The following SETDB2 variants were observed in gnomAD, a reference collection of about 807,000 sequenced individuals.
The protein encoded by SETDB2 is SET domain bifurcated histone lysine methyltransferase 2.
SETDB2 carries 56 observed loss-of-function variants against 82.5 expected under a neutral mutation model. That is an observed-to-expected ratio of 0.68 (90% CI 0.55 to 0.85). SETDB2 has a LOEUF of 0.85. Among genes scored for constraint, SETDB2 ranks in the 40% least tolerant of loss-of-function variants. SETDB2 has a pLI of 0.00. For synonymous variants in SETDB2, 272 were observed against 284.9 expected, an observed-to-expected ratio of 0.95 and a Z score of 0.46; for missense variants, 677 against 816.4, an observed-to-expected ratio of 0.83 and a Z score of 2.08.
intron 1 of SETDB2, among the ~76,000 whole-genome samples, chr13:49,446,817 A>G (rs1268705357): frequency 6.6e-6 from 1 of 152,222 alleles, no homozygotes; most frequent in Non-Finnish European, 1.5e-5. Context: ...TTCACCATAC[A>G]ACAATGCTGC....
Position 49,451,548 on chromosome 13 carries a change from T to TAC in SETDB2, c.-341-3_-341-2dup, listed in dbSNP as rs1957787370. On this transcript the variant is annotated splice_region_variant and splice_polypyrimidine_tract_variant and intron_variant, in intron 1 of 13. Transcript: ENST00000611815. ...ATGCACTATTCTTTATTGTTTTCCT[T>TAC]ACAGAATGTTTCATCCATTTGTGGA... 6.5e-6 allele frequency: 1 copy of TAC among 153,482 alleles called. No homozygotes were observed. Among genetic ancestry groups the TAC allele is most frequent in the Non-Finnish European group, 1.4e-5 (1 of 69,916 alleles). The allele number at this position is 153,482 out of a possible 1,614,324, so 9.5% of individuals were successfully genotyped here. A position where few individuals can be genotyped will look rare whatever the true frequency, so the allele number is the denominator to read the frequency against.
Position 49,476,729 on chromosome 13 carries a change from C to T in SETDB2, c.559C>T (p.Leu187=). The change falls in exon 6 of 14, where the codon CTA becomes TTA. Residue 187 remains leucine (L), a synonymous_variant. Transcript: ENST00000611815. ...VSYKTPCGRS[L]RNVEEVFRYL... The stretch of plus-strand genomic sequence containing the variant: ...TTATAAAACCCCTTGTGGAAGGAGT[C>T]TACGAAACGTGGAGGAAGTTTTTCG... The T allele has an allele frequency of 1.2e-6, 2 of 1,614,154 alleles. No individual in the cohort carries two copies. The highest frequency in any genetic ancestry group is 2.2e-5 in the South Asian group (2 of 91,080).
rs565914239 is a variant in SETDB2, at chr13:49,453,517, C to T, written c.16+1608C>T. On this transcript the variant is annotated intron_variant, in intron 2 of 13. Transcript: ENST00000611815. ...TTCACCATATTGGCCAGGCTGGTCT[C>T]GAACTCCTGACCTCAAGTGATCCAC... is the stretch of plus-strand genomic sequence containing the variant. 3.9e-5 allele frequency among the ~76,000 whole-genome samples: 6 copies of T among 152,088 alleles called. No homozygotes were observed. In the South Asian group the frequency reaches 8.3e-4, roughly 21 times the overall value.
At chr13:49,459,089 A>C (rs1022427393) in intron 2 of SETDB2, among the ~76,000 whole-genome samples, 1 of 152,236 alleles carries the variant, frequency 6.6e-6, no homozygotes, top group African/African-American at 2.4e-5. Context: ...AGTCTTACAT[A>C]GTATACATCA....
At chr13:49,445,563 GGAAACATGTTTTAC>G (rs1485239857) in intron 1 of SETDB2, 22 of 152,262 alleles carry the variant, frequency 1.4e-4, no homozygotes, top group African/African-American at 5.3e-4. Flanking sequence ...ATTTTCTCCA[GGAAACATGTTTTAC>G]TTGTGCACGT....
intron 5 of SETDB2, among the ~76,000 whole-genome samples, chr13:49,471,205 A>G (rs1236476050): frequency 3.3e-5 from 5 of 151,030 alleles, no homozygotes; most frequent in Admixed American, 6.6e-5. Flanking sequence ...GTGAACTCCT[A>G]GTCTCAAGCA....
At chr13:49,477,394 C>G (rs543249785) in intron 6 of SETDB2, among the ~76,000 whole-genome samples, 1 of 152,204 alleles carries the variant, frequency 6.6e-6, no homozygotes, top group Non-Finnish European at 1.5e-5. Context: ...TGTGATCACA[C>G]ACTGTACCAG....
At position 49,490,870 on chromosome 13, in the gene SETDB2, C is replaced by G. The variant is rs1396170880; in HGVS notation, c.1966C>G (p.His656Asp). ...LLVQNVFVET[H>D]NRNFPLVAFF... ...GGTACAGAATGTTTTTGTAGAAACA[C>G]ACAACAGGAATTTTCCATTGGTGGC... is the stretch of plus-strand genomic sequence containing the variant. The change falls in exon 13 of 14, where the codon CAC becomes GAC. Residue 656 changes from histidine to aspartate, a missense_variant. Coordinates refer to ENST00000611815, the MANE Select transcript of SETDB2 (RefSeq NM_001160308.3). 1.2e-6 allele frequency: 2 copies of G among 1,613,466 alleles called. No homozygotes were observed. Among genetic ancestry groups the G allele is most frequent in the Non-Finnish European group, 1.7e-6 (2 of 1,179,612 alleles).
chr13:49,460,098 T>G lies in SETDB2; in HGVS notation c.17-9T>G. On this transcript the variant is annotated splice_polypyrimidine_tract_variant and intron_variant, in intron 2 of 13. Transcript: ENST00000611815. ...TAGCTCTTAGGCTAGTCACTTATTT[T>G]TATTTTAGGCGATGCAAAAACTTTC... The G allele has an allele frequency of 6.2e-7, 1 of 1,607,506 alleles. No individual in the cohort carries two copies. The highest frequency in any genetic ancestry group is 1.3e-5 in the African/African-American group (1 of 74,562).
intron 7 of SETDB2, 62 bp downstream of exon 7, chr13:49,480,397 T>C (rs1488818528): frequency 2.0e-6 from 2 of 993,338 alleles, no homozygotes; most frequent in East Asian, 5.1e-5. Context: ...TACTTTTTAT[T>C]GTGGTCCAAA....
At chr13:49,453,299 T>C (rs1332065728) in intron 2 of SETDB2, among the ~76,000 whole-genome samples, 2 of 150,568 alleles carry the variant, frequency 1.3e-5, no homozygotes, top group Non-Finnish European at 2.9e-5. Flanking sequence ...TGGCTCTTTT[T>C]TTTCTTTTTT....
chr13:49,444,422 C>G lies in SETDB2; in HGVS notation c.-777C>G. ...GCTTGGCGTCGGAGGAGAGCCCCAC[C>G]CGCGGAGGAACCCAGCCTTGCCAAC... is the stretch of plus-strand genomic sequence containing the variant. On this transcript the variant is annotated 5_prime_UTR_variant, in exon 1 of 14. Coordinates refer to ENST00000611815, the MANE Select transcript of SETDB2 (RefSeq NM_001160308.3). The G allele has an allele frequency of 5.3e-6, 1 of 189,412 alleles. No homozygotes were observed. The allele number at this position is 189,412 out of a possible 1,614,324, so 11.7% of individuals were successfully genotyped here.
rs763377897 is a variant in SETDB2 at position 49,476,737 on chromosome 13, C to T, written c.567C>T (p.Asn189=). 50 of 1,613,998 alleles carry T rather than the reference C, an allele frequency of 3.1e-5. 1 individual carries two copies. Among genetic ancestry groups the T allele is most frequent in the Admixed American group, 2.8e-4 (17 of 59,992 alleles). ...YKTPCGRSLR[N]VEEVFRYLLE... ...CCCCTTGTGGAAGGAGTCTACGAAACGTGGAGGAAGTTTTTCGTTACCTGC... is the reference window on the plus strand; with the variant it reads ...CCCCTTGTGGAAGGAGTCTACGAAATGTGGAGGAAGTTTTTCGTTACCTGC... The change falls in exon 6 of 14, where the codon AAC becomes AAT. Residue 189 remains asparagine (N), a synonymous_variant. Coordinates refer to ENST00000611815, the MANE Select transcript of SETDB2 (RefSeq NM_001160308.3).
rs992646247 is a variant in SETDB2, at chr13:49,480,882, A to C, written c.987-65A>C. ...GCTTCCCTCAGTAGTTATCAGTGTC[A>C]GTGAAGTGTCAATAAACTGCTTTTT... On this transcript the variant is annotated intron_variant, in intron 7 of 13. Transcript: ENST00000611815. The C allele has an allele frequency of 5.8e-6, 9 of 1,539,454 alleles. No homozygotes were observed. The Admixed American group carries it at 1.4e-4, about 23-fold the overall frequency.
At chr13:49,483,037 T>G (rs2138970481) in intron 9 of SETDB2, 75 bp downstream of exon 9, 1 of 888,316 alleles carries the variant, frequency 1.1e-6, no homozygotes, top group South Asian at 1.7e-5. Context: ...TTCCTTCCCC[T>G]CTTTCTTTTC....
intron 6 of SETDB2, among the ~76,000 whole-genome samples, chr13:49,479,393 A>C (rs1208985379): frequency 6.6e-6 from 1 of 152,208 alleles, no homozygotes; most frequent in Non-Finnish European, 1.5e-5. Context: ...GGAAAGAACA[A>C]TTATAGATTT....
At chr13:49,476,383 A>T (rs1958362010) in intron 5 of SETDB2, 93 bp from the exon 6 acceptor site, 2 of 837,072 alleles carry the variant, frequency 2.4e-6, no homozygotes, top group Admixed American at 2.8e-5. Flanking sequence ...TTATTTTAAT[A>T]TTGTCTAAGA....
chr13:49,459,374 A>G (rs1481125412), intron 2 of SETDB2, among the ~76,000 whole-genome samples: 1 of 152,196 alleles, frequency 6.6e-6, no homozygotes, highest in Non-Finnish European at 1.5e-5. Context: ...CTAAAATGCA[A>G]TTATTACGAT....
intron 4 of SETDB2, 43 bp downstream of exon 4, chr13:49,461,205 T>A: frequency 7.2e-7 from 1 of 1,395,714 alleles, no homozygotes; most frequent in South Asian, 1.3e-5. Flanking sequence ...TCTCTGATAT[T>A]TTCTTGCCAT....
Sources: allele counts gnomAD v4.1 joint callset (sites outside exome capture counted in the v4.1 genomes callset), GRCh38; gene constraint gnomAD v4.1.1; transcripts MANE v1.5; gene names NCBI Gene and HGNC (gene_info 2026-07-23, HGNC 2026-07-21).